SORBS2: variants seen among roughly 807,000 people sequenced by gnomAD.
SORBS2 encodes sorbin and SH3 domain containing 2, also known as sorbin and SH3 domain-containing protein 2.
SORBS2 carries 46 observed loss-of-function variants against 97.7 expected under a neutral mutation model. The observed-to-expected ratio is 0.47, with a 90% confidence interval of 0.37 to 0.60. SORBS2 has a LOEUF of 0.60. Ranked by LOEUF, SORBS2 falls within the 20% of genes least tolerant of loss-of-function variation. The pLI, the probability that SORBS2 is intolerant of heterozygous loss-of-function variation, is 0.00. For missense variants in SORBS2, 1,316 were observed against 1,282.3 expected, an observed-to-expected ratio of 1.03 and a Z score of -0.40; for synonymous variants, 476 against 473.4, an observed-to-expected ratio of 1.01 and a Z score of -0.07.
exon 7 of SORBS2, chr4:185,624,089 G>A (rs1247923041): frequency 6.2e-7 from 1 of 1,614,198 alleles, no homozygotes; most frequent in African/African-American, 1.3e-5. Flanking sequence ...GGCGTTGCGG[G>A]CTGACCTGTG....
At chr4:185,766,603 C>T (rs2098935509) in intron 2 of SORBS2, among the ~76,000 whole-genome samples, 1 of 152,122 alleles carries the variant, frequency 6.6e-6, no homozygotes, top group Admixed American at 6.5e-5. Context: ...TGTTCTAAAA[C>T]TTGAGAGTTA....
At chr4:185,652,596 G>T in intron 2 of SORBS2, 66 bp downstream of exon 10, 1 of 1,249,890 alleles carries the variant, frequency 8.0e-7, no homozygotes, top group Non-Finnish European at 1.2e-6. Flanking sequence ...TCAAACCGAT[G>T]CAAAAGACGA....
intron 2 of SORBS2, among the ~76,000 whole-genome samples, chr4:185,730,843 G>A (rs1168377845): frequency 6.6e-6 from 1 of 152,242 alleles, no homozygotes; most frequent in East Asian, 1.9e-4. Flanking sequence ...AGGTGAGTAT[G>A]TATCAGCCAT....
chr4:185,681,368 T>A (rs887861027), intron 2 of SORBS2, among the ~76,000 whole-genome samples: 8 of 150,502 alleles, frequency 5.3e-5, no homozygotes, highest in African/African-American at 2.0e-4. Flanking sequence ...GAAAGTATCA[T>A]GGATCCACAT....
chr4:185,867,900 G>A (rs976233089), intron 1 of SORBS2, among the ~76,000 whole-genome samples: 1 of 152,006 alleles, frequency 6.6e-6, no homozygotes, highest in African/African-American at 2.4e-5. Flanking sequence ...ACCCTCAGGG[G>A]TCCCACCAAC....
At chr4:185,696,292 G>A (rs568202353) in intron 2 of SORBS2, among the ~76,000 whole-genome samples, 3 of 152,298 alleles carry the variant, frequency 2.0e-5, no homozygotes, top group South Asian at 2.1e-4. Flanking sequence ...AATGTAAGCT[G>A]TTCAAAATAC....
chr4:185,764,031 A>G (rs954865875), intron 2 of SORBS2, among the ~76,000 whole-genome samples: 1 of 152,220 alleles, frequency 6.6e-6, no homozygotes, highest in African/African-American at 2.4e-5. Flanking sequence ...CTGTGTGTAT[A>G]TAAGCTTTTC....
chr4:185,678,668 A>T (rs560369788), intron 3 of SORBS2, 121 bp from the exon 7 acceptor site: 161 of 1,240,318 alleles, frequency 1.3e-4, no homozygotes, highest in Non-Finnish European at 1.8e-4. Flanking sequence ...TTCTTACTAG[A>T]GGTTTAATTT....
intron 1 of SORBS2, among the ~76,000 whole-genome samples, chr4:185,921,882 A>G (rs956356926): frequency 1.3e-5 from 2 of 152,220 alleles, no homozygotes; most frequent in Non-Finnish European, 2.9e-5. Context: ...CTTCACCTCC[A>G]GAGATTCCTT....
At chr4:185,920,872 A>G (rs576184988) in intron 1 of SORBS2, among the ~76,000 whole-genome samples, 1 of 152,218 alleles carries the variant, frequency 6.6e-6, no homozygotes, top group Non-Finnish European at 1.5e-5. Flanking sequence ...CATCTGTACA[A>G]ATTCACAGAA....
rs143373185 is a variant in SORBS2, at chr4:185,842,550, A to G, written c.-337-67184T>C. On this transcript the variant is annotated intron_variant, in intron 1 of 20. Transcript: ENST00000284776. ...AAAAGGTACACTGGGGCTAAGGGGC[A>G]ACTTGATCAGATTTGTGTTGAAAAA... 3.4e-3 allele frequency among the ~76,000 whole-genome samples: 520 copies of G among 152,316 alleles called. 5 individuals are homozygous for G. Among genetic ancestry groups the G allele is most frequent in the African/African-American group, 0.012 (504 of 41,574 alleles).
intron 9 of SORBS2, among the ~76,000 whole-genome samples, chr4:185,617,160 G>C (rs1325522809): frequency 6.6e-6 from 1 of 152,172 alleles, no homozygotes; most frequent in Non-Finnish European, 1.5e-5. Flanking sequence ...GAAAGCTATG[G>C]ATTGATTTTT....
chr4:185,686,307 T>C, intron 2 of SORBS2, among the ~76,000 whole-genome samples: 1 of 152,310 alleles, frequency 6.6e-6, no homozygotes, highest in East Asian at 1.9e-4. Flanking sequence ...AATTTATAAA[T>C]AGTAAGATTA....
intron 1 of SORBS2, among the ~76,000 whole-genome samples, chr4:185,887,880 AGTT>A (rs1004726734): frequency 9.9e-5 from 15 of 151,194 alleles, no homozygotes; most frequent in African/African-American, 3.4e-4. Context: ...TTCCCCCTTA[AGTT>A]GTTGTTGGAT....
chr4:185,593,115 G>A (rs770442157), intron 13 of SORBS2: 2 of 152,462 alleles, frequency 1.3e-5, no homozygotes, highest in Non-Finnish European at 2.9e-5. Context: ...AGGATCCCCA[G>A]TGTGTGCTCA....
intron 6 of SORBS2, among the ~76,000 whole-genome samples, chr4:185,626,282 T>G (rs1046614220): frequency 2.6e-5 from 4 of 152,242 alleles, no homozygotes; most frequent in African/African-American, 9.6e-5. Context: ...CTGTGTTACA[T>G]GGCAGGAGGT....
chr4:185,897,694 G>A (rs531596715), intron 1 of SORBS2, among the ~76,000 whole-genome samples: 8 of 152,216 alleles, frequency 5.3e-5, no homozygotes, highest in Admixed American at 3.9e-4. Flanking sequence ...AGAAAGTCAC[G>A]GAACACAGAT....
chr4:185,783,328 CTCTACT>C (rs983567990), intron 1 of SORBS2, among the ~76,000 whole-genome samples: 9 of 152,332 alleles, frequency 5.9e-5, no homozygotes, highest in African/African-American at 2.2e-4. Flanking sequence ...CAGACTCTCT[CTCTACT>C]TCTACTTCTG....
Position 185,751,190 on chromosome 4 carries a change from A to AAAAAAAAAAAAAAAAAGAGAG in SORBS2, c.-198+24036_-198+24037insCTCTCTTTTTTTTTTTTTTTT. 2.2e-4 allele frequency among the ~76,000 whole-genome samples: 19 copies of AAAAAAAAAAAAAAAAAGAGAG among 86,498 alleles called. 1 individual carries two copies. The South Asian group carries it at 9.0e-3, about 41-fold the overall frequency. The allele number at this position is 86,498 out of a possible 152,430, so 56.7% of individuals were successfully genotyped here. A position where few individuals can be genotyped will look rare whatever the true frequency, so the allele number is the denominator to read the frequency against. On this transcript the variant is annotated intron_variant, in intron 2 of 20. Coordinates refer to the SORBS2 transcript ENST00000284776. ...TAAATACTAAAAAAAAAAAAAAAAA[A>AAAAAAAAAAAAAAAAAGAGAG]AGAGAAAGAGAGAGAAATTCAGGAA...
Sources: gnomAD v4.1 joint callset for allele counts (sites outside exome capture counted in the v4.1 genomes callset) on GRCh38, gnomAD v4.1.1 for gene constraint, MANE v1.5 for transcripts, NCBI Gene and HGNC (gene_info 2026-07-23, HGNC 2026-07-21) for gene names.